The following SEMA5B variants were observed in gnomAD, a reference collection of about 807,000 sequenced individuals.
The protein encoded by SEMA5B is semaphorin-5B.
SEMA5B carries 66 observed loss-of-function variants against 135.0 expected under a neutral mutation model. The ratio of observed to expected loss-of-function variants is 0.49; its 90% CI spans 0.40 to 0.60. The LOEUF is 0.60. Among genes scored for constraint, SEMA5B ranks in the 20% least tolerant of loss-of-function variants. The probability of loss-of-function intolerance (pLI) is 0.00; values close to 1 mark genes in which losing one functional copy is unlikely to be tolerated. For synonymous variants in SEMA5B, 690 were observed against 639.5 expected, an observed-to-expected ratio of 1.08 and a Z score of -1.19; for missense variants, 1,501 against 1,566.3, an observed-to-expected ratio of 0.96 and a Z score of 0.70.
At chr3:122,997,887 T>C (rs890697639) in intron 1 of SEMA5B, among the ~76,000 whole-genome samples, 2 of 152,154 alleles carry the variant, frequency 1.3e-5, no homozygotes, top group African/African-American at 4.8e-5. Context: ...GGTCTTGTTA[T>C]AGTTTGTCTC....
chr3:122,910,548 G>A (rs553202761), intron 22 of SEMA5B, among the ~76,000 whole-genome samples: 4 of 152,244 alleles, frequency 2.6e-5, no homozygotes, highest in East Asian at 3.9e-4. Context: ...GGTGGCTCAC[G>A]CCTGTAATCC....
intron 19 of SEMA5B, 23 bp downstream of exon 19, chr3:122,912,149 C>A (rs773563417): frequency 6.3e-7 from 1 of 1,580,260 alleles, no homozygotes; most frequent in South Asian, 1.1e-5. Flanking sequence ...CGCTTCCCAG[C>A]CCTGGCGGGA....
intron 1 of SEMA5B, among the ~76,000 whole-genome samples, chr3:123,024,360 G>A (rs2107844190): frequency 6.6e-6 from 1 of 152,276 alleles, no homozygotes; most frequent in East Asian, 1.9e-4. Context: ...ATGTTCCTTG[G>A]AATCTGCAAA....
intron 1 of SEMA5B, among the ~76,000 whole-genome samples, chr3:122,970,769 C>T (rs1941078538): frequency 6.6e-6 from 1 of 152,194 alleles, no homozygotes; most frequent in African/African-American, 2.4e-5. Context: ...TGCCCAAGGT[C>T]GCACAGCTAG....
chr3:122,941,998 G>A lies in SEMA5B; in HGVS notation c.428+1438C>T, dbSNP rs902823170. ...GCATATGGACAGACTCCCTCTGGGG[G>A]CACAGTCAGGAACCTCACCACTAGG... is the stretch of plus-strand genomic sequence containing the variant. On this transcript the variant is annotated intron_variant, in intron 4 of 22. Transcript: ENST00000357599. Among the ~76,000 whole-genome samples, 45 of 152,302 alleles carry A rather than the reference G, an allele frequency of 3.0e-4. 1 individual carries two copies. The highest frequency in any genetic ancestry group is 2.2e-3 in the Admixed American group (34 of 15,296).
intron 5 of SEMA5B, among the ~76,000 whole-genome samples, chr3:122,930,767 A>G (rs1938928924): frequency 6.6e-6 from 1 of 152,216 alleles, no homozygotes; most frequent in South Asian, 2.1e-4. Flanking sequence ...CTCACAGAAA[A>G]CAGTGAAACA....
At chr3:122,943,102 G>A (rs11719610) in intron 4 of SEMA5B, among the ~76,000 whole-genome samples, 112,695 of 152,134 alleles carry the variant, frequency 0.74, 43,010 homozygotes, top group South Asian at 0.87. Context: ...TGGAACTCCC[G>A]GGGAATTGGC....
intron 1 of SEMA5B, among the ~76,000 whole-genome samples, chr3:122,987,452 G>T (rs1202333402): frequency 6.6e-6 from 1 of 152,174 alleles, no homozygotes; most frequent in East Asian, 1.9e-4. Flanking sequence ...GTCTGCAAGA[G>T]GTCCTCTCCC....
At chr3:122,934,715 C>G (rs1010096688) in intron 5 of SEMA5B, among the ~76,000 whole-genome samples, 3 of 151,994 alleles carry the variant, frequency 2.0e-5, no homozygotes. Context: ...CTTTGGGCCA[C>G]TTAAATAAAA....
At chr3:122,926,285 G>T in intron 9 of SEMA5B, 107 bp downstream of exon 9, 1 of 1,098,988 alleles carries the variant, frequency 9.1e-7, no homozygotes, top group Non-Finnish European at 1.3e-6. Flanking sequence ...GATGACCCCC[G>T]GCAGGAGGCA....
At chr3:122,959,784 T>A (rs1017897960) in intron 2 of SEMA5B, among the ~76,000 whole-genome samples, 2 of 152,228 alleles carry the variant, frequency 1.3e-5, no homozygotes, top group African/African-American at 4.8e-5. Flanking sequence ...CATGTTTGGT[T>A]CTTGCCTTGC....
intron 1 of SEMA5B, among the ~76,000 whole-genome samples, chr3:122,993,941 C>A (rs1161901497): frequency 6.6e-6 from 1 of 151,972 alleles, no homozygotes; most frequent in Non-Finnish European, 1.5e-5. Context: ...TGGTCATTGG[C>A]CCCCCCACCT....
At position 122,928,995 on chromosome 3, in the gene SEMA5B, C is replaced by T. The variant is rs745460081; in HGVS notation, c.537+1G>A. On this transcript the variant is annotated splice_donor_variant, in intron 6 of 22. Coordinates refer to ENST00000357599, the MANE Select transcript of SEMA5B (RefSeq NM_001031702.4). LOFTEE classifies it high-confidence loss of function. ...GCCCCTGGACCGCCGAGACCACGTACCTCAGTCTTCCCTTTGCTTTGGCAG... is the reference window on the plus strand; with the variant it reads ...GCCCCTGGACCGCCGAGACCACGTATCTCAGTCTTCCCTTTGCTTTGGCAG... The T allele has an allele frequency of 9.3e-6, 15 of 1,612,320 alleles. No homozygotes were observed. The highest frequency in any genetic ancestry group is 1.2e-5 in the Non-Finnish European group (14 of 1,180,002).
In SEMA5B at chr3:122,928,497, C is replaced by T. The variant is rs1296566829; in HGVS notation, c.636+20G>A. 1 of 1,541,178 alleles carries T rather than the reference C, an allele frequency of 6.5e-7. No individual in the cohort carries two copies. Among genetic ancestry groups the T allele is most frequent in the Non-Finnish European group, 8.8e-7 (1 of 1,139,502 alleles). ...CCGGCATGGTGCCCCCTTCAGTCTCCTCCACCCTGAGGTGCCCACCTGTCT... is the reference window on the plus strand; with the variant it reads ...CCGGCATGGTGCCCCCTTCAGTCTCTTCCACCCTGAGGTGCCCACCTGTCT... On this transcript the variant is annotated intron_variant, in intron 7 of 22. Transcript: ENST00000357599.
intron 1 of SEMA5B, among the ~76,000 whole-genome samples, chr3:123,015,473 G>C (rs1443981848): frequency 1.3e-5 from 2 of 152,120 alleles, no homozygotes; most frequent in Non-Finnish European, 2.9e-5. Flanking sequence ...TTTGGTCCTG[G>C]AGACCTCAAC....
At chr3:123,020,794 G>A (rs1036044425) in intron 1 of SEMA5B, among the ~76,000 whole-genome samples, 13 of 152,264 alleles carry the variant, frequency 8.5e-5, no homozygotes, top group Middle Eastern at 6.8e-3. Context: ...TGGTTTTTAC[G>A]GAAGCCAGTG....
chr3:123,001,350 G>A (rs1159091548), intron 1 of SEMA5B, among the ~76,000 whole-genome samples: 1 of 152,106 alleles, frequency 6.6e-6, no homozygotes, highest in Non-Finnish European at 1.5e-5. Flanking sequence ...ACAAGTCCAA[G>A]AACCATAGAT....
intron 1 of SEMA5B, among the ~76,000 whole-genome samples, chr3:123,014,762 A>G (rs1576410470): frequency 6.6e-6 from 1 of 152,206 alleles, no homozygotes; most frequent in East Asian, 1.9e-4. Context: ...TAAATTAGGG[A>G]AAAATGTAGT....
chr3:122,927,599 C>T (rs1008870099), intron 8 of SEMA5B, among the ~76,000 whole-genome samples, 191 bp downstream of exon 8: 1 of 152,154 alleles, frequency 6.6e-6, no homozygotes, highest in African/African-American at 2.4e-5. Flanking sequence ...GGGACATCAC[C>T]TGTGATTTCG....
Sources: allele counts gnomAD v4.1 joint callset (sites outside exome capture counted in the v4.1 genomes callset), GRCh38; gene constraint gnomAD v4.1.1; transcripts MANE v1.5; gene names NCBI Gene and HGNC (gene_info 2026-07-23, HGNC 2026-07-21).